Variants in BACH2 observed in about 807,000 individuals in gnomAD.
BACH2 encodes transcription regulator protein BACH2.
In BACH2, 5 loss-of-function variants were observed where a neutral mutation model predicts 61.8. That is an observed-to-expected ratio of 0.08 (90% confidence interval 0.04 to 0.17). The LOEUF (loss-of-function observed/expected upper bound fraction) is 0.17, where lower values mean the gene tolerates loss of function less well. Among genes scored for constraint, BACH2 ranks in the 10% least tolerant of loss-of-function variants. The probability of loss-of-function intolerance (pLI) is 1.00; values close to 1 mark genes in which losing one functional copy is unlikely to be tolerated. For synonymous variants in BACH2, 446 were observed against 440.1 expected (o/e 1.01, Z -0.17); for missense variants, 824 against 1,091.1 (o/e 0.76, Z 3.45).
At chr6:90,213,806 T>C (rs1172358826) in intron 3 of BACH2, among the ~76,000 whole-genome samples, 3 of 152,214 alleles carry the variant, frequency 2.0e-5, no homozygotes, top group Non-Finnish European at 2.9e-5. Context: ...TTAATTATAA[T>C]GTTTGGGAAG....
intron 4 of BACH2, among the ~76,000 whole-genome samples, chr6:90,115,661 T>C (rs968138701): frequency 6.6e-6 from 1 of 152,056 alleles, no homozygotes; most frequent in East Asian, 1.9e-4. Context: ...AAAGCAAATA[T>C]TGACAAATTG....
chr6:90,164,208 G>A (rs1318627060), intron 4 of BACH2, among the ~76,000 whole-genome samples: 3 of 152,002 alleles, frequency 2.0e-5, no homozygotes, highest in Admixed American at 6.6e-5. Context: ...TCAAATAGAT[G>A]CAATAAAAAA....
At chr6:90,020,570 C>T (rs1295864971) in intron 5 of BACH2, among the ~76,000 whole-genome samples, 1 of 132,674 alleles carries the variant, frequency 7.5e-6, no homozygotes, top group East Asian at 1.9e-4. Flanking sequence ...ACTTGCCAGC[C>T]TCTAGAACTG....
chr6:90,016,063 C>T (rs998089057), intron 5 of BACH2, among the ~76,000 whole-genome samples: 9 of 152,260 alleles, frequency 5.9e-5, no homozygotes, highest in Middle Eastern at 3.4e-3. Context: ...TACTTTGTCT[C>T]ATATTAACAT....
Position 89,944,410 on chromosome 6 carries a change from T to C in BACH2, c.1836+5860A>G, listed in dbSNP as rs547534204. ...CATGTGCTTTGGAATTCCAGACACTTACAATGTTCTAGACAACATAAAAAC... is the reference window on the plus strand; with the variant it reads ...CATGTGCTTTGGAATTCCAGACACTCACAATGTTCTAGACAACATAAAAAC... On this transcript the variant is annotated intron_variant, in intron 7 of 8. Coordinates refer to ENST00000257749, the MANE Select transcript of BACH2 (RefSeq NM_021813.4). Among the ~76,000 whole-genome samples the C allele has an allele frequency of 5.9e-5, 9 of 152,028 alleles. No homozygotes were observed. In the South Asian group the frequency reaches 1.7e-3, roughly 28 times the overall value.
At chr6:90,022,509 A>G (rs1778430779) in intron 5 of BACH2, among the ~76,000 whole-genome samples, 1 of 152,208 alleles carries the variant, frequency 6.6e-6, no homozygotes. Context: ...GCTTGAACCC[A>G]GGAGGCAAAG....
At chr6:89,941,990 T>C (rs752478707) in intron 7 of BACH2, among the ~76,000 whole-genome samples, 9 of 152,150 alleles carry the variant, frequency 5.9e-5, no homozygotes, top group Non-Finnish European at 1.2e-4. Context: ...CATACAACAC[T>C]TCAGCAGAGC....
intron 5 of BACH2, among the ~76,000 whole-genome samples, chr6:90,076,398 C>T (rs767830582): frequency 6.6e-6 from 1 of 152,192 alleles, no homozygotes; most frequent in Non-Finnish European, 1.5e-5. Flanking sequence ...TACAAATTGA[C>T]TAATACTTAT....
At chr6:89,935,868 C>T (rs1772990527) in intron 8 of BACH2, among the ~76,000 whole-genome samples, 2 of 152,240 alleles carry the variant, frequency 1.3e-5, no homozygotes, top group Non-Finnish European at 2.9e-5. Context: ...TGTAGACTCA[C>T]ACCCAGTGGA....
intron 3 of BACH2, among the ~76,000 whole-genome samples, chr6:90,227,957 C>T (rs1769970058): frequency 6.6e-6 from 1 of 152,230 alleles, no homozygotes; most frequent in African/African-American, 2.4e-5. Context: ...GCCTGCAACA[C>T]TCCATTTGCC....
intron 4 of BACH2, among the ~76,000 whole-genome samples, chr6:90,169,289 G>A (rs1767733118): frequency 1.3e-5 from 2 of 152,150 alleles, no homozygotes; most frequent in African/African-American, 4.8e-5. Flanking sequence ...ACAAGAAGAT[G>A]GAGAGTCTCC....
intron 4 of BACH2, among the ~76,000 whole-genome samples, chr6:90,136,950 A>C (rs1784290917): frequency 6.6e-6 from 1 of 152,134 alleles, no homozygotes; most frequent in South Asian, 2.1e-4. Context: ...AATCTAGACC[A>C]GATTCCCATT....
At chr6:89,981,020 CTTAA>C (rs1474753374) in intron 6 of BACH2, among the ~76,000 whole-genome samples, 106 of 150,352 alleles carry the variant, frequency 7.1e-4, no homozygotes, top group African/African-American at 2.5e-3. Flanking sequence ...TCTGATTAGG[CTTAA>C]TTAGATATTG....
intron 4 of BACH2, chr6:90,116,779 A>G (rs1582382542): frequency 2.1e-6 from 1 of 470,800 alleles, no homozygotes; most frequent in East Asian, 5.2e-5. Context: ...TTGCGCCTAC[A>G]GTGACAGAAT....
At position 90,002,855 on chromosome 6, in the gene BACH2, CAGTTA is replaced by C. The variant is rs551294929; in HGVS notation, c.243+5742_243+5746del. Among the ~76,000 whole-genome samples, 7 of 152,310 alleles carry C rather than the reference CAGTTA, an allele frequency of 4.6e-5. No homozygotes were observed. In the South Asian group the frequency reaches 1.5e-3, roughly 32 times the overall value. Reference sequence around the variant, plus strand: ...CTCTCAGTCTTCGCTTCACCCATCTCAGTTAATGCCAACTCCATTCTTCCAATAGT... The same window carrying C: ...CTCTCAGTCTTCGCTTCACCCATCTCATGCCAACTCCATTCTTCCAATAGT... On this transcript the variant is annotated intron_variant, in intron 6 of 8. Transcript: ENST00000257749.
chr6:90,124,368 G>A (rs927107679), intron 4 of BACH2, among the ~76,000 whole-genome samples: 22 of 152,130 alleles, frequency 1.4e-4, no homozygotes, highest in East Asian at 1.9e-4. Flanking sequence ...AACTTTCCAC[G>A]TGTATTTCCA....
intron 4 of BACH2, among the ~76,000 whole-genome samples, chr6:90,188,778 A>G (rs74703602): frequency 6.6e-6 from 1 of 150,888 alleles, no homozygotes; most frequent in African/African-American, 2.4e-5. Context: ...AAAAAAAAAA[A>G]AGCGAAAGGG....
chr6:90,187,178 T>C (rs1188733851), intron 4 of BACH2, among the ~76,000 whole-genome samples: 1 of 152,192 alleles, frequency 6.6e-6, no homozygotes, highest in Non-Finnish European at 1.5e-5. Flanking sequence ...GGCTTGGGTG[T>C]GGCCACCTGA....
intron 1 of BACH2, among the ~76,000 whole-genome samples, chr6:90,279,522 C>CAA (rs10637718): frequency 0.39 from 47,979 of 123,810 alleles, 9,695 homozygotes; most frequent in Non-Finnish European, 0.48. Flanking sequence ...GACTCCGTCT[C>CAA]AAAAAAAAAA....
Sources: gnomAD v4.1 joint callset for allele counts (sites outside exome capture counted in the v4.1 genomes callset) on GRCh38, gnomAD v4.1.1 for gene constraint, MANE v1.5 for transcripts, NCBI Gene and HGNC (gene_info 2026-07-23, HGNC 2026-07-21) for gene names.